The following CEP164 variants were observed in gnomAD, a reference collection of about 807,000 sequenced individuals.
CEP164 encodes the protein centrosomal protein 164.
In CEP164, 162 loss-of-function variants were observed where a neutral mutation model predicts 182.7. The ratio of observed to expected loss-of-function variants is 0.89; its 90% confidence interval spans 0.78 to 1.01. CEP164 has a LOEUF of 1.01. CEP164 is among the 50% of genes least tolerant of loss of function. The pLI is 0.00. For synonymous variants in CEP164, 661 were observed against 690.0 expected (o/e 0.96, Z 0.66); for missense variants, 1,735 against 1,790.4 (o/e 0.97, Z 0.56).
At position 117,381,857 on chromosome 11, in the gene CEP164, G is replaced by C. The variant is rs2043352074; in HGVS notation, c.1566G>C (p.Leu522=). The C allele has an allele frequency of 1.3e-6, 2 of 1,513,120 alleles. No individual in the cohort carries two copies. Among genetic ancestry groups the C allele is most frequent in the African/African-American group, 1.4e-5 (1 of 71,636 alleles). The allele number at this position is 1,513,120 out of a possible 1,614,324, so 93.7% of individuals were successfully genotyped here. ...CTGCAGCCAGCCTCAGCCTGCAGCT[G>C]TCCCTCCAGAGGTAAGGATGAGGGG... ...EDSAASLSLQ[L]SLQREQAPSP... Residue 522 remains leucine (L), a synonymous_variant, in exon 13 of 33, where the codon CTG becomes CTC. Coordinates refer to ENST00000278935, the MANE Select transcript of CEP164 (RefSeq NM_014956.5).
intron 1 of CEP164, among the ~76,000 whole-genome samples, chr11:117,330,707 G>T (rs2036075430): frequency 6.6e-6 from 1 of 152,148 alleles, no homozygotes; most frequent in African/African-American, 2.4e-5. Flanking sequence ...AACTTATATT[G>T]CCTGGTGCTG....
At chr11:117,369,458 C>T (rs1267600671) in intron 8 of CEP164, among the ~76,000 whole-genome samples, 1 of 152,238 alleles carries the variant, frequency 6.6e-6, no homozygotes, top group Non-Finnish European at 1.5e-5. Context: ...GCTTTACTGA[C>T]CTGTGTAATC....
chr11:117,323,164 G>T (rs1393448015), upstream of CEP164, among the ~76,000 whole-genome samples: 1 of 152,060 alleles, frequency 6.6e-6, no homozygotes, highest in Non-Finnish European at 1.5e-5. Context: ...ACCTCCCAAA[G>T]TGCTGGGATT....
intron 8 of CEP164, among the ~76,000 whole-genome samples, chr11:117,365,567 ATTTCTTTC>A (rs34968044): frequency 6.0e-5 from 9 of 151,202 alleles, no homozygotes; most frequent in Non-Finnish European, 1.3e-4. Flanking sequence ...TGAAAGGTGG[ATTTCTTTC>A]TTTCTTTCTT....
In CEP164 at chr11:117,390,996, C is replaced by G. The variant is rs756021209; in HGVS notation, c.2067-3C>G. On this transcript the variant is annotated splice_region_variant and splice_polypyrimidine_tract_variant and intron_variant, in intron 16 of 32. Coordinates refer to ENST00000278935, the MANE Select transcript of CEP164 (RefSeq NM_014956.5). ...CCGTTACCATTCCACTGTGTCCACCCAGGGCTGAGCAAGAGGCTTCCCTGC... is the reference window on the plus strand; with the variant it reads ...CCGTTACCATTCCACTGTGTCCACCGAGGGCTGAGCAAGAGGCTTCCCTGC... The G allele has an allele frequency of 1.2e-6, 2 of 1,614,072 alleles. No homozygotes were observed. The highest frequency in any genetic ancestry group is 1.3e-5 in the African/African-American group (1 of 75,010).
intron 27 of CEP164, among the ~76,000 whole-genome samples, chr11:117,405,686 T>C (rs922524654): frequency 1.7e-4 from 26 of 152,242 alleles, no homozygotes; most frequent in African/African-American, 6.3e-4. Flanking sequence ...GTTTCTCTTT[T>C]AAAATGAAAT....
chr11:117,323,925 AT>A, upstream of CEP164: 5 of 340,278 alleles, frequency 1.5e-5, no homozygotes, highest in South Asian at 4.4e-5. Context: ...CAGTTTGCCC[AT>A]TTTAAAAATC....
intron 2 of CEP164, among the ~76,000 whole-genome samples, 189 bp downstream of exon 2, chr11:117,335,869 AT>A (rs886920747): frequency 7.2e-5 from 11 of 152,272 alleles, no homozygotes; most frequent in Admixed American, 2.0e-4. Context: ...AACCTCCCCA[AT>A]CACAAGTATT....
chr11:117,387,486 C>G, intron 15 of CEP164, 74 bp downstream of exon 15: 2 of 1,398,734 alleles, frequency 1.4e-6, no homozygotes, highest in South Asian at 2.6e-5. Context: ...CCCTCTTAGC[C>G]TGGGGACCAC....
chr11:117,367,945 T>C (rs2041823016), intron 8 of CEP164, among the ~76,000 whole-genome samples: 1 of 152,238 alleles, frequency 6.6e-6, no homozygotes, highest in Admixed American at 6.5e-5. Flanking sequence ...TATAGTCTAA[T>C]CCCTATATAA....
rs766887215 is a variant in CEP164, at chr11:117,412,138, G to A, written c.4353G>A (p.Glu1451=). The A allele has an allele frequency of 8.7e-6, 14 of 1,614,174 alleles. No individual in the cohort carries two copies. The highest frequency in any genetic ancestry group is 1.2e-5 in the Non-Finnish European group (14 of 1,180,034). The change falls in exon 33 of 33, where the codon GAG becomes GAA. Residue 1451 remains glutamate, a synonymous_variant. Transcript: ENST00000278935. ...GCCTCCTGCAGCTGGGCCTTGATGAGCACAACAGAGTGAAGGTGTATCGCT... is the reference window on the plus strand; with the variant it reads ...GCCTCCTGCAGCTGGGCCTTGATGAACACAACAGAGTGAAGGTGTATCGCT... ...TLSLLQLGLD[E]HNRVKVYRF
intron 11 of CEP164, among the ~76,000 whole-genome samples, chr11:117,378,149 A>G (rs1344460797): frequency 1.3e-5 from 2 of 152,140 alleles, no homozygotes; most frequent in Non-Finnish European, 2.9e-5. Context: ...GATTACAGGC[A>G]TGAGCCACCG....
Position 117,363,522 on chromosome 11 carries a change from C to A in CEP164, c.765+16C>A. The A allele has an allele frequency of 6.3e-7, 1 of 1,579,346 alleles. No homozygotes were observed. The highest frequency in any genetic ancestry group is 8.7e-7 in the Non-Finnish European group (1 of 1,149,080). On this transcript the variant is annotated intron_variant, in intron 8 of 32. Coordinates refer to ENST00000278935, the MANE Select transcript of CEP164 (RefSeq NM_014956.5). Reference sequence around the variant, plus strand: ...TGAGTATGAGGTAAGAGCCCTAATCCCTACAGGCACATGTGTCAGCCTGGC... The same window carrying A: ...TGAGTATGAGGTAAGAGCCCTAATCACTACAGGCACATGTGTCAGCCTGGC...
Position 117,343,541 on chromosome 11 carries a change from C to T in CEP164, c.83-625C>T, listed in dbSNP as rs1167770669. ...TACTACCTTCTGGTAAGGCTGTGCT[C>T]ATCCTGGATGGTTCTGCCTATGGTT... On this transcript the variant is annotated intron_variant, in intron 3 of 32. Coordinates refer to ENST00000278935, the MANE Select transcript of CEP164 (RefSeq NM_014956.5). Among the ~76,000 whole-genome samples, 3 of 152,206 alleles carry T rather than the reference C, an allele frequency of 2.0e-5. No homozygotes were observed. The East Asian group carries it at 5.8e-4, about 29-fold the overall frequency.
upstream of CEP164, among the ~76,000 whole-genome samples, chr11:117,326,387 C>A (rs759412080): frequency 5.3e-5 from 8 of 152,018 alleles, no homozygotes; most frequent in Non-Finnish European, 1.0e-4. Context: ...CGTGTGCCAC[C>A]ATGCCCAGCT....
chr11:117,369,483 T>A (rs1467814376), intron 8 of CEP164, among the ~76,000 whole-genome samples: 1 of 152,228 alleles, frequency 6.6e-6, no homozygotes. Context: ...CTAGGAAGCC[T>A]GGGTTAGCTT....
At chr11:117,354,236 T>A (rs1028653302) in intron 5 of CEP164, among the ~76,000 whole-genome samples, 4 of 152,104 alleles carry the variant, frequency 2.6e-5, no homozygotes, top group African/African-American at 9.7e-5. Flanking sequence ...CAGGCTGGTC[T>A]CGAACTCCTG....
Position 117,411,857 on chromosome 11 carries a change from T to C in CEP164, c.4226T>C (p.Phe1409Ser). 1 of 1,614,102 alleles carries C rather than the reference T, an allele frequency of 6.2e-7. No individual in the cohort carries two copies. Among genetic ancestry groups the C allele is most frequent in the Non-Finnish European group, 8.5e-7 (1 of 1,180,000 alleles). Reference sequence around the variant, plus strand: ...GTCCCTGAGGCGGGCAGCACCACCTTTCAGGGCATAATTGAGGCCAACCGG... The same window carrying C: ...GTCCCTGAGGCGGGCAGCACCACCTCTCAGGGCATAATTGAGGCCAACCGG... ...SQVPEAGSTT[F>S]QGIIEANRRW... The change falls in exon 32 of 33, where the codon TTT becomes TCT. Residue 1409 changes from phenylalanine (F) to serine (S), a missense_variant. By Grantham distance (155) the Phe-to-Ser change is radical (BLOSUM62 -2). Transcript: ENST00000278935. This position sits in a 1 kb window ranked among gnomAD's most constrained non-coding sequence, Gnocchi z 4.4.
Position 117,390,925 on chromosome 11 carries a change from C to T in CEP164, c.2066+17C>T. 6.2e-7 allele frequency: 1 copy of T among 1,613,876 alleles called. No individual in the cohort carries two copies. The highest frequency in any genetic ancestry group is 8.5e-7 in the Non-Finnish European group (1 of 1,179,922). On this transcript the variant is annotated intron_variant, in intron 16 of 32. Transcript: ENST00000278935. ...CCAAATCAGGTAAGTGTGTGCTTAC[C>T]TGTGAGCTGCCCAGCCCTGCGGAGG...
Sources: gnomAD v4.1 joint callset for allele counts (sites outside exome capture counted in the v4.1 genomes callset) on GRCh38, gnomAD v4.1.1 for gene constraint, Gnocchi (gnomAD v3.1) non-coding constraint, MANE v1.5 for transcripts, NCBI Gene and HGNC (gene_info 2026-07-23, HGNC 2026-07-21) for gene names.